Variants in FABP7 observed in about 807,000 individuals in gnomAD.
FABP7 encodes the protein fatty acid-binding protein, brain.
Under a neutral mutation model 14.2 loss-of-function variants are expected in FABP7, and 13 were observed. The ratio of observed to expected loss-of-function variants is 0.91; its 90% CI spans 0.59 to 1.45. FABP7 has a LOEUF of 1.45. Ranked by LOEUF, FABP7 falls within the 40% of genes most tolerant of loss-of-function variation. FABP7 has a pLI of 0.00. For synonymous variants in FABP7, 49 were observed against 51.4 expected (o/e 0.95, Z 0.20); for missense variants, 149 against 157.6 (o/e 0.95, Z 0.29).
chr6:122,762,903 G>A, the FABP7 span, among the ~76,000 whole-genome samples: 1 of 152,030 alleles, frequency 6.6e-6, no homozygotes, highest in Non-Finnish European at 1.5e-5. Flanking sequence ...GACAAAAATG[G>A]AAGAACATTC....
the FABP7 span, among the ~76,000 whole-genome samples, chr6:122,767,713 C>A: frequency 6.8e-6 from 1 of 146,644 alleles, no homozygotes; most frequent in African/African-American, 2.5e-5. Context: ...GAGTTTGGGA[C>A]CTGCCTGGGC....
At chr6:122,782,838 G>C in intron 3 of FABP7, 8 of 985,292 alleles carry the variant, frequency 8.1e-6, no homozygotes, top group Non-Finnish European at 9.6e-6. Context: ...TCATGTTAAA[G>C]GATATTTGCT....
chr6:122,772,097 A>T, the FABP7 span, among the ~76,000 whole-genome samples: 1 of 152,202 alleles, frequency 6.6e-6, no homozygotes, highest in Non-Finnish European at 1.5e-5. Flanking sequence ...TGACATAACC[A>T]TGGGGTTTTG....
chr6:122,757,158 C>T, the FABP7 span, among the ~76,000 whole-genome samples: 3 of 152,154 alleles, frequency 2.0e-5, no homozygotes, highest in South Asian at 4.1e-4. Context: ...AGTCTACCGT[C>T]TGATATCTGC....
chr6:122,753,845 A>T, the FABP7 span, among the ~76,000 whole-genome samples: 53 of 130,900 alleles, frequency 4.0e-4, no homozygotes, highest in African/African-American at 1.5e-3. Flanking sequence ...ATGTAACTGA[A>T]GTGGTAGCTG....
At chr6:122,760,895 C>T in the FABP7 span, among the ~76,000 whole-genome samples, 1 of 151,964 alleles carries the variant, frequency 6.6e-6, no homozygotes, top group African/African-American at 2.4e-5. Context: ...TAAATGAATG[C>T]TTTGCAGCTT....
chr6:122,767,762 A>T, the FABP7 span, among the ~76,000 whole-genome samples: 1 of 151,610 alleles, frequency 6.6e-6, no homozygotes, highest in African/African-American at 2.4e-5. Context: ...AAGGAAAAAA[A>T]AAAAAAAAAG....
chr6:122,770,283 A>T, the FABP7 span, among the ~76,000 whole-genome samples: 12 of 152,072 alleles, frequency 7.9e-5, no homozygotes, highest in Non-Finnish European at 1.5e-4. Flanking sequence ...GATAGTTTTA[A>T]TTGTAACAGC....
chr6:122,751,010 T>G, the FABP7 span, among the ~76,000 whole-genome samples: 1 of 152,222 alleles, frequency 6.6e-6, no homozygotes, highest in African/African-American at 2.4e-5. Context: ...AATAGATATC[T>G]TTAGTGGGTT....
chr6:122,782,219 C>T lies in FABP7; in HGVS notation c.348+1025C>T, dbSNP rs577938916. The T allele has an allele frequency of 9.2e-6, 9 of 974,910 alleles. No individual in the cohort carries two copies. The East Asian group carries it at 9.1e-4, about 99-fold the overall frequency. The allele number at this position is 974,910 out of a possible 1,614,324, so 60.4% of individuals were successfully genotyped here. A position where few individuals can be genotyped will look rare whatever the true frequency, so the allele number is the denominator to read the frequency against. On this transcript the variant is annotated intron_variant, in intron 3 of 3. Transcript: ENST00000368444. ...TCTGTAAAAGAGGATTTATTAGTGT[C>T]CTAAGGCTGCCACAACAAAGTACCA...
the FABP7 span, among the ~76,000 whole-genome samples, chr6:122,758,148 C>T: frequency 8.3e-6 from 1 of 121,046 alleles, no homozygotes; most frequent in African/African-American, 2.9e-5. Context: ...TTGCTTTGTT[C>T]CCAGGCTGGA....
At chr6:122,776,236 C>A (rs1206258956), upstream of FABP7, among the ~76,000 whole-genome samples, 1 of 152,078 alleles carries the variant, frequency 6.6e-6, no homozygotes, top group African/African-American at 2.4e-5. Flanking sequence ...ATGTTTATTA[C>A]AGCACTAGTT....
upstream of FABP7, among the ~76,000 whole-genome samples, chr6:122,778,558 G>A (rs919458449): frequency 2.6e-5 from 4 of 152,198 alleles, no homozygotes; most frequent in Non-Finnish European, 4.4e-5. Context: ...CTCCTGCTCT[G>A]TCCCCAGGAG....
chr6:122,781,035 G>T, intron 2 of FABP7, 58 bp from the exon 3 acceptor site: 1 of 1,531,268 alleles, frequency 6.5e-7, no homozygotes, highest in African/African-American at 1.4e-5. Context: ...ATCGTCTTCC[G>T]TATCAGAAAT....
At chr6:122,761,903 C>G in the FABP7 span, among the ~76,000 whole-genome samples, 2 of 152,134 alleles carry the variant, frequency 1.3e-5, no homozygotes, top group Non-Finnish European at 2.9e-5. Flanking sequence ...AATTAATAGC[C>G]TACCAACCAA....
At chr6:122,765,866 C>T in the FABP7 span, among the ~76,000 whole-genome samples, 1 of 152,004 alleles carries the variant, frequency 6.6e-6, no homozygotes, top group African/African-American at 2.4e-5. Flanking sequence ...TGATCATTTT[C>T]TGAGAATATA....
intron 3 of FABP7, chr6:122,781,740 C>CATT: frequency 6.8e-6 from 5 of 739,878 alleles, no homozygotes; most frequent in Non-Finnish European, 8.0e-6. Context: ...AGTGATAACC[C>CATT]TTTTTTTTTT....
chr6:122,763,569 C>A, the FABP7 span, among the ~76,000 whole-genome samples: 101 of 152,206 alleles, frequency 6.6e-4, no homozygotes, highest in African/African-American at 2.4e-3. Flanking sequence ...AGCTTCTGCA[C>A]GGCAAAAGAA....
At chr6:122,774,606 T>C in the FABP7 span, among the ~76,000 whole-genome samples, 45 of 152,166 alleles carry the variant, frequency 3.0e-4, no homozygotes, top group Admixed American at 7.9e-4. Flanking sequence ...TATGGAGTTA[T>C]AGAACAGTCG....
Sources: gnomAD v4.1 joint callset for allele counts (sites outside exome capture counted in the v4.1 genomes callset) on GRCh38, gnomAD v4.1.1 for gene constraint, MANE v1.5 for transcripts, NCBI Gene and HGNC (gene_info 2026-07-23, HGNC 2026-07-21) for gene names.